NGF: variants seen among roughly 807,000 people sequenced by gnomAD.
The protein encoded by NGF is beta-nerve growth factor.
In NGF, 4 loss-of-function variants were observed where a neutral mutation model predicts 12.8. That is an observed-to-expected ratio of 0.31 (90% CI 0.15 to 0.72). The LOEUF is 0.72. Ranked by LOEUF, NGF falls within the 30% of genes least tolerant of loss-of-function variation. The pLI, the probability that NGF is intolerant of heterozygous loss-of-function variation, is 0.69. For missense variants in NGF, 283 were observed against 330.8 expected (o/e 0.86, Z 1.12); for synonymous variants, 140 against 130.0 (o/e 1.08, Z -0.52).
intron 1 of NGF, among the ~76,000 whole-genome samples, chr1:115,308,281 T>A (rs1654252857): frequency 6.6e-6 from 1 of 152,166 alleles, no homozygotes; most frequent in African/African-American, 2.4e-5. Flanking sequence ...AGTTGGTCAG[T>A]GAACAGGCTG....
intron 1 of NGF, among the ~76,000 whole-genome samples, chr1:115,326,179 G>A (rs1042139772): frequency 5.9e-5 from 9 of 152,048 alleles, no homozygotes; most frequent in African/African-American, 1.4e-4. Flanking sequence ...GCCAGCAAAC[G>A]AGGCCAGGGA....
chr1:115,311,401 C>G (rs1654332093), intron 1 of NGF, among the ~76,000 whole-genome samples: 1 of 152,168 alleles, frequency 6.6e-6, no homozygotes, highest in African/African-American at 2.4e-5. Context: ...GACAGCACCT[C>G]TGATGCTTTA....
intron 1 of NGF, among the ~76,000 whole-genome samples, chr1:115,329,098 G>C (rs1192274779): frequency 6.6e-6 from 1 of 151,884 alleles, no homozygotes; most frequent in Non-Finnish European, 1.5e-5. Context: ...AAGAGGAAGG[G>C]AGAAGGGAAA....
intron 2 of NGF, among the ~76,000 whole-genome samples, chr1:115,291,214 T>C (rs1311253554): frequency 1.3e-5 from 2 of 151,950 alleles, no homozygotes; most frequent in Non-Finnish European, 2.9e-5. Flanking sequence ...TGAGAGTGTG[T>C]TCCTATAAAC....
chr1:115,321,117 C>T (rs974545089), intron 1 of NGF, among the ~76,000 whole-genome samples: 2 of 152,166 alleles, frequency 1.3e-5, no homozygotes, highest in Middle Eastern at 3.2e-3. Flanking sequence ...TGGACCAGCA[C>T]GTGGAACTCT....
intron 1 of NGF, among the ~76,000 whole-genome samples, chr1:115,333,657 CTTTCTTT>C (rs1654991061): frequency 9.7e-5 from 1 of 10,292 alleles, no homozygotes; most frequent in Admixed American, 7.2e-4. Context: ...CTTTCTTTCT[CTTTCTTT>C]CTTTCTTTCT....
chr1:115,286,293 C>G lies in NGF; in HGVS notation c.503G>C (p.Ser168Thr), dbSNP rs1387719275. 6.2e-7 allele frequency: 1 copy of G among 1,614,098 alleles called. No homozygotes were observed. Among genetic ancestry groups the G allele is most frequent in the Non-Finnish European group, 8.5e-7 (1 of 1,180,038 alleles). The change falls in exon 3 of 3, where the codon AGT (serine) becomes ACT (threonine). Residue 168 changes from serine to threonine, a missense_variant. Ser to Thr is a moderately conservative substitution (Grantham distance 58). Transcript: ENST00000369512. ...CTCAAAAAAGTACTGTTTGAATACA[C>G]TGTTGTTAATGTTCACCTCTCCCAA... ...MVLGEVNINN[S>T]VFKQYFFETK...
At chr1:115,310,621 G>T (rs991482149) in intron 1 of NGF, among the ~76,000 whole-genome samples, 1 of 152,176 alleles carries the variant, frequency 6.6e-6, no homozygotes, top group African/African-American at 2.4e-5. Flanking sequence ...TGATAAATTT[G>T]TCCAATGTGT....
chr1:115,332,850 A>G (rs1008959802), intron 1 of NGF, among the ~76,000 whole-genome samples: 1 of 152,150 alleles, frequency 6.6e-6, no homozygotes, highest in Non-Finnish European at 1.5e-5. Context: ...AGTGTTCTCC[A>G]TAATCCAAAG....
intron 1 of NGF, among the ~76,000 whole-genome samples, chr1:115,294,465 C>T (rs1490029211): frequency 1.3e-5 from 2 of 152,186 alleles, no homozygotes; most frequent in East Asian, 1.9e-4. Context: ...TTCTGGGCAC[C>T]GACTATGTGC....
chr1:115,304,024 C>A (rs1394041952), intron 1 of NGF, among the ~76,000 whole-genome samples: 2 of 149,870 alleles, frequency 1.3e-5, no homozygotes, highest in Non-Finnish European at 2.9e-5. Flanking sequence ...TGAGATTTTT[C>A]TTTTCTTTTG....
intron 1 of NGF, among the ~76,000 whole-genome samples, chr1:115,320,516 C>T (rs931774171): frequency 6.6e-6 from 1 of 152,060 alleles, no homozygotes; most frequent in African/African-American, 2.4e-5. Context: ...AATCTGACAA[C>T]CAAGCAGGCT....
chr1:115,319,394 CACATGTGT>C (rs2101046773), intron 1 of NGF, among the ~76,000 whole-genome samples: 1 of 152,302 alleles, frequency 6.6e-6, no homozygotes, highest in East Asian at 1.9e-4. Flanking sequence ...TAAGCACACA[CACATGTGT>C]ACATGTACTC....
At chr1:115,307,171 G>T (rs1192043445) in intron 1 of NGF, among the ~76,000 whole-genome samples, 1 of 152,198 alleles carries the variant, frequency 6.6e-6, no homozygotes, top group Non-Finnish European at 1.5e-5. Context: ...GCTGGGATTT[G>T]TCTTACCCTT....
intron 1 of NGF, among the ~76,000 whole-genome samples, chr1:115,324,206 G>C (rs1021394385): frequency 1.3e-5 from 2 of 152,190 alleles, no homozygotes; most frequent in African/African-American, 4.8e-5. Context: ...AATGTTTGAT[G>C]ACGGGTCAGA....
chr1:115,318,040 C>T (rs1479757284), intron 1 of NGF, among the ~76,000 whole-genome samples: 1 of 152,148 alleles, frequency 6.6e-6, no homozygotes, highest in Non-Finnish European at 1.5e-5. Flanking sequence ...TCCAGTGGGA[C>T]CCCACTGTAT....
At chr1:115,299,768 C>G (rs76531531) in intron 1 of NGF, among the ~76,000 whole-genome samples, 8,493 of 152,274 alleles carry the variant, frequency 0.056, 330 homozygotes, top group Non-Finnish European at 0.085. Flanking sequence ...GAAAACATCT[C>G]CTTGGTTCCA....
intron 1 of NGF, among the ~76,000 whole-genome samples, chr1:115,310,461 A>C (rs1439078568): frequency 6.6e-6 from 1 of 152,202 alleles, no homozygotes; most frequent in Non-Finnish European, 1.5e-5. Context: ...TTTCAGGGGC[A>C]ATCAGTGTTG....
intron 1 of NGF, among the ~76,000 whole-genome samples, chr1:115,300,537 G>A (rs72991986): frequency 0.051 from 7,733 of 152,218 alleles, 632 homozygotes; most frequent in African/African-American, 0.18. Context: ...ACATCCCAAG[G>A]GAAACCGAAT....
Sources: allele counts gnomAD v4.1 joint callset (sites outside exome capture counted in the v4.1 genomes callset), GRCh38; gene constraint gnomAD v4.1.1; transcripts MANE v1.5; gene names NCBI Gene and HGNC (gene_info 2026-07-23, HGNC 2026-07-21).